PCDH7: variants seen among roughly 807,000 people sequenced by gnomAD.
PCDH7 encodes the protein protocadherin-7.
PCDH7 carries 17 observed loss-of-function variants against 58.9 expected under a neutral mutation model. The observed-to-expected ratio is 0.29, with a 90% confidence interval of 0.20 to 0.43. PCDH7 has a LOEUF of 0.43. Among genes scored for constraint, PCDH7 ranks in the 20% least tolerant of loss-of-function variants. PCDH7 has a pLI of 1.00. For missense variants in PCDH7, 1,274 were observed against 1,441.0 expected, an observed-to-expected ratio of 0.88 and a Z score of 1.88; for synonymous variants, 664 against 616.4, an observed-to-expected ratio of 1.08 and a Z score of -1.14.
intron 3 of PCDH7, among the ~76,000 whole-genome samples, chr4:31,086,701 T>A (rs1712486300): frequency 6.6e-6 from 1 of 152,192 alleles, no homozygotes; most frequent in African/African-American, 2.4e-5. Context: ...AATATAAATA[T>A]GTATTCATGG....
chr4:31,099,552 C>CA (rs1714623782), intron 3 of PCDH7, among the ~76,000 whole-genome samples: 1 of 152,286 alleles, frequency 6.6e-6, no homozygotes, highest in African/African-American at 2.4e-5. Context: ...CAGATATCCA[C>CA]AAAAATATGG....
intron 3 of PCDH7, among the ~76,000 whole-genome samples, chr4:31,103,673 T>C (rs1715187386): frequency 6.6e-6 from 1 of 152,182 alleles, no homozygotes; most frequent in African/African-American, 2.4e-5. Flanking sequence ...TGATTCTCTC[T>C]AGCTGACTGT....
At chr4:31,031,226 C>A (rs1055302477) in intron 3 of PCDH7, among the ~76,000 whole-genome samples, 12 of 152,148 alleles carry the variant, frequency 7.9e-5, no homozygotes, top group Non-Finnish European at 1.5e-4. Flanking sequence ...CTCCCCGACC[C>A]CCCAAGGGAC....
chr4:30,820,769 A>G (rs1035962011), intron 1 of PCDH7, among the ~76,000 whole-genome samples: 1 of 152,236 alleles, frequency 6.6e-6, no homozygotes, highest in East Asian at 1.9e-4. Flanking sequence ...TGTGTAATTG[A>G]TCTATTTAGT....
intron 3 of PCDH7, among the ~76,000 whole-genome samples, chr4:30,962,798 A>C (rs1295359587): frequency 2.0e-5 from 3 of 151,310 alleles, no homozygotes. Context: ...AAAAAAAAAA[A>C]AAAAAAACAG....
Position 30,886,114 on chromosome 4 carries a change from T to G in PCDH7, c.71-34039T>G, listed in dbSNP as rs535819284. ...AAGCAATGTCAACAAAAGCCAAAATTGACAAATGGGATCTAATTAAACTAA... is the reference window on the plus strand; with the variant it reads ...AAGCAATGTCAACAAAAGCCAAAATGGACAAATGGGATCTAATTAAACTAA... On this transcript the variant is annotated intron_variant, in intron 1 of 3. Coordinates refer to the PCDH7 transcript ENST00000509759. 9.3e-5 allele frequency among the ~76,000 whole-genome samples: 14 copies of G among 151,052 alleles called. No homozygotes were observed. The East Asian group carries it at 2.7e-3, about 29-fold the overall frequency.
chr4:31,030,237 C>A (rs1203660423), intron 3 of PCDH7, among the ~76,000 whole-genome samples: 1 of 152,028 alleles, frequency 6.6e-6, no homozygotes, highest in Non-Finnish European at 1.5e-5. Flanking sequence ...TAAGACCTAC[C>A]CTTGCTGCAT....
intron 1 of PCDH7, among the ~76,000 whole-genome samples, chr4:30,830,737 C>A (rs889140979): frequency 1.3e-5 from 2 of 152,056 alleles, no homozygotes; most frequent in African/African-American, 4.8e-5. Flanking sequence ...GAAAGAAAAT[C>A]ATTTATGCTT....
chr4:30,877,672 A>G (rs1440723375), intron 1 of PCDH7, among the ~76,000 whole-genome samples: 1 of 152,088 alleles, frequency 6.6e-6, no homozygotes, highest in South Asian at 2.1e-4. Flanking sequence ...TTTTTCCATA[A>G]TTTAGTTTTC....
chr4:30,745,608 C>G (rs1341089145), intron 1 of PCDH7, among the ~76,000 whole-genome samples: 1 of 152,000 alleles, frequency 6.6e-6, no homozygotes, highest in Non-Finnish European at 1.5e-5. Context: ...ACAGTGGAGG[C>G]AAAACAATCC....
chr4:30,732,024 A>G (rs1358379323), exon 2 of PCDH7: 1 of 152,138 alleles, frequency 6.6e-6, no homozygotes, highest in Non-Finnish European at 1.5e-5. Context: ...TATAATAGCC[A>G]CTTAAGAAAA....
intron 1 of PCDH7, among the ~76,000 whole-genome samples, chr4:30,768,722 G>C (rs1238801463): frequency 6.6e-6 from 1 of 152,100 alleles, no homozygotes; most frequent in Non-Finnish European, 1.5e-5. Flanking sequence ...CCATGACTCG[G>C]TTTTAAAATT....
intron 1 of PCDH7, among the ~76,000 whole-genome samples, chr4:30,774,698 GTACAATA>G (rs1243292468): frequency 2.6e-5 from 4 of 152,062 alleles, no homozygotes; most frequent in Non-Finnish European, 5.9e-5. Context: ...ACTGTTCTAC[GTACAATA>G]TACAGTTTAT....
At chr4:31,016,119 G>A (rs1186219187) in intron 3 of PCDH7, among the ~76,000 whole-genome samples, 2 of 152,142 alleles carry the variant, frequency 1.3e-5, no homozygotes, top group East Asian at 3.9e-4. Context: ...AAAATGTAAT[G>A]AAGTGGTTTC....
At chr4:30,775,517 G>C (rs1452624330) in intron 1 of PCDH7, among the ~76,000 whole-genome samples, 5 of 152,086 alleles carry the variant, frequency 3.3e-5, no homozygotes, top group African/African-American at 1.2e-4. Context: ...AGTTGCTTAA[G>C]AATGACAAAT....
chr4:30,939,524 G>GTATT (rs759553582), intron 2 of PCDH7, among the ~76,000 whole-genome samples: 21 of 152,136 alleles, frequency 1.4e-4, no homozygotes, highest in Admixed American at 3.3e-4. Context: ...CGTTGAAATA[G>GTATT]TATTTATTTA....
intron 1 of PCDH7, among the ~76,000 whole-genome samples, chr4:30,806,984 C>G (rs1046018609): frequency 6.6e-6 from 1 of 152,100 alleles, no homozygotes; most frequent in African/African-American, 2.4e-5. Flanking sequence ...AGACAGTACA[C>G]TGGTATCTGC....
chr4:30,857,389 A>G (rs1352678811), intron 1 of PCDH7, among the ~76,000 whole-genome samples: 1 of 152,146 alleles, frequency 6.6e-6, no homozygotes, highest in Non-Finnish European at 1.5e-5. Context: ...GTTAAAGACC[A>G]CAGCCCTTTA....
intron 1 of PCDH7, among the ~76,000 whole-genome samples, chr4:30,741,379 A>G (rs2109248689): frequency 6.6e-6 from 1 of 151,672 alleles, no homozygotes; most frequent in East Asian, 1.9e-4. Flanking sequence ...AAAATTATAG[A>G]GACAGGGTTT....
Sources: gnomAD v4.1 joint callset for allele counts (sites outside exome capture counted in the v4.1 genomes callset) on GRCh38, gnomAD v4.1.1 for gene constraint, MANE v1.5 for transcripts, NCBI Gene and HGNC (gene_info 2026-07-23, HGNC 2026-07-21) for gene names.